Variants in CELF4 observed in about 807,000 individuals in gnomAD.
The protein encoded by CELF4 is CUG-BP- and ETR-3-like factor 4.
Under a neutral mutation model 59.9 loss-of-function variants are expected in CELF4, and 18 were observed. The observed-to-expected ratio is 0.30, with a 90% CI of 0.21 to 0.45. The LOEUF is 0.45. Among genes scored for constraint, CELF4 ranks in the 20% least tolerant of loss-of-function variants. The probability of loss-of-function intolerance (pLI) is 1.00; values close to 1 mark genes in which losing one functional copy is unlikely to be tolerated. For missense variants in CELF4, 456 were observed against 689.0 expected, an observed-to-expected ratio of 0.66 and a Z score of 3.79; for synonymous variants, 261 against 267.1, an observed-to-expected ratio of 0.98 and a Z score of 0.22.
At chr18:37,420,084 A>C (rs544095771) in intron 2 of CELF4, among the ~76,000 whole-genome samples, 2 of 152,324 alleles carry the variant, frequency 1.3e-5, no homozygotes, top group East Asian at 3.9e-4. Context: ...GGGTGGACCG[A>C]GGCCATCCAA....
intron 1 of CELF4, among the ~76,000 whole-genome samples, chr18:37,495,339 A>G (rs2154603658): frequency 6.6e-6 from 1 of 152,196 alleles, no homozygotes; most frequent in African/African-American, 2.4e-5. Flanking sequence ...CTTGTTTGGG[A>G]GGGAAACCAC....
chr18:37,400,858 G>A (rs2099317977), intron 2 of CELF4, among the ~76,000 whole-genome samples: 1 of 152,248 alleles, frequency 6.6e-6, no homozygotes, highest in Non-Finnish European at 1.5e-5. Context: ...TCCACAGATG[G>A]AGACGCCTGA....
intron 1 of CELF4, among the ~76,000 whole-genome samples, chr18:37,534,242 C>T (rs949602179): frequency 4.6e-5 from 7 of 152,068 alleles, no homozygotes; most frequent in Non-Finnish European, 5.9e-5. Context: ...TTACAGTCCT[C>T]GCCGTCATTA....
At chr18:37,320,846 G>A (rs903566087) in intron 3 of CELF4, among the ~76,000 whole-genome samples, 5 of 152,214 alleles carry the variant, frequency 3.3e-5, no homozygotes, top group African/African-American at 1.2e-4. Flanking sequence ...TGGGGCTGGG[G>A]AGTCTGTTTC....
intron 1 of CELF4, among the ~76,000 whole-genome samples, chr18:37,534,824 G>T (rs1276507705): frequency 6.6e-6 from 1 of 152,184 alleles, no homozygotes; most frequent in Non-Finnish European, 1.5e-5. Flanking sequence ...TGTCTGGTCG[G>T]TTTCAGCCTT....
intron 3 of CELF4, among the ~76,000 whole-genome samples, chr18:37,285,010 T>C (rs190584620): frequency 6.6e-6 from 1 of 152,086 alleles, no homozygotes; most frequent in East Asian, 1.9e-4. Flanking sequence ...TCTCCACCCC[T>C]CCATCTCTGC....
At chr18:37,261,735 C>T (rs550385063) in intron 10 of CELF4, among the ~76,000 whole-genome samples, 20 of 152,240 alleles carry the variant, frequency 1.3e-4, no homozygotes, top group Non-Finnish European at 2.4e-4. Context: ...AGAGCCGCTG[C>T]GGCAGCCATC....
intron 2 of CELF4, among the ~76,000 whole-genome samples, chr18:37,338,864 G>A (rs919159383): frequency 3.3e-5 from 5 of 151,706 alleles, no homozygotes; most frequent in Non-Finnish European, 4.4e-5. Context: ...CATGCCCAGC[G>A]CTGTGCCCCA....
chr18:37,347,154 C>T (rs2098288059), intron 2 of CELF4, among the ~76,000 whole-genome samples: 1 of 152,068 alleles, frequency 6.6e-6, no homozygotes, highest in South Asian at 2.1e-4. Flanking sequence ...TGGCCAATAC[C>T]TCAGATGACC....
At chr18:37,482,548 G>A (rs1409825083) in intron 2 of CELF4, among the ~76,000 whole-genome samples, 2 of 152,178 alleles carry the variant, frequency 1.3e-5, no homozygotes, top group East Asian at 3.8e-4. Context: ...CCCTGCTCAG[G>A]CTGGTTCCCA....
At chr18:37,474,826 C>T (rs1206861856) in intron 2 of CELF4, among the ~76,000 whole-genome samples, 1 of 152,220 alleles carries the variant, frequency 6.6e-6, no homozygotes, top group Admixed American at 6.5e-5. Flanking sequence ...CCCTTCTCTT[C>T]CCCACCTCAG....
At chr18:37,252,041 C>A (rs930077143) in intron 12 of CELF4, among the ~76,000 whole-genome samples, 1 of 152,148 alleles carries the variant, frequency 6.6e-6, no homozygotes, top group Non-Finnish European at 1.5e-5. Context: ...AAGGCCCCTG[C>A]TCTCTGAGGG....
At chr18:37,338,978 C>T (rs2097889349) in intron 2 of CELF4, among the ~76,000 whole-genome samples, 3 of 152,176 alleles carry the variant, frequency 2.0e-5, no homozygotes, top group Admixed American at 2.0e-4. Context: ...GGGCAATGGC[C>T]ATCGTTTGGG....
intron 3 of CELF4, among the ~76,000 whole-genome samples, chr18:37,291,360 A>C (rs893126849): frequency 2.0e-5 from 3 of 152,146 alleles, no homozygotes; most frequent in Non-Finnish European, 2.9e-5. Context: ...TAACCCATGT[A>C]CTCAAGAGGA....
chr18:37,364,501 C>T (rs1020063441), intron 2 of CELF4, among the ~76,000 whole-genome samples: 5 of 152,296 alleles, frequency 3.3e-5, no homozygotes, highest in African/African-American at 1.2e-4. Context: ...AGCACTGGGG[C>T]TCCAGGCTCC....
chr18:37,266,370 G>A, intron 9 of CELF4, 163 bp downstream of exon 9: 5 of 745,882 alleles, frequency 6.7e-6, no homozygotes, highest in East Asian at 2.8e-5. Context: ...CCGCTGACAA[G>A]AAGGCAGCCT....
At chr18:37,516,291 C>T (rs950816016) in intron 1 of CELF4, among the ~76,000 whole-genome samples, 2 of 152,110 alleles carry the variant, frequency 1.3e-5, no homozygotes, top group South Asian at 2.1e-4. Flanking sequence ...CTCCTCCTCC[C>T]GTCCACCTGG....
intron 2 of CELF4, among the ~76,000 whole-genome samples, chr18:37,404,027 C>A (rs992421251): frequency 1.3e-5 from 2 of 152,220 alleles, no homozygotes; most frequent in African/African-American, 4.8e-5. Context: ...CAGTCAGCAT[C>A]TTCCACCTGA....
At chr18:37,520,499 A>G (rs1422125291) in intron 1 of CELF4, among the ~76,000 whole-genome samples, 1 of 150,278 alleles carries the variant, frequency 6.7e-6, no homozygotes, top group African/African-American at 2.4e-5. Flanking sequence ...TGCTTGACTC[A>G]GCTGGCAGAG....
Sources: allele counts gnomAD v4.1 joint callset (sites outside exome capture counted in the v4.1 genomes callset), GRCh38; gene constraint gnomAD v4.1.1; transcripts MANE v1.5; gene names NCBI Gene and HGNC (gene_info 2026-07-23, HGNC 2026-07-21).